The following PCDHA6 variants were observed in gnomAD, a reference collection of about 807,000 sequenced individuals.
The protein encoded by PCDHA6 is protocadherin alpha-6.
In PCDHA6, 55 loss-of-function variants were observed where a neutral mutation model predicts 60.3. The ratio of observed to expected loss-of-function variants is 0.91; its 90% CI spans 0.73 to 1.14. PCDHA6 has a LOEUF of 1.14. PCDHA6 is among the 50% of genes most tolerant of loss of function. The pLI is 0.00. For synonymous variants in PCDHA6, 652 were observed against 557.9 expected, an observed-to-expected ratio of 1.17 and a Z score of -2.38; for missense variants, 1,327 against 1,256.5, an observed-to-expected ratio of 1.06 and a Z score of -0.85.
rs2150182679 is a variant in PCDHA6 at position 140,830,200 on chromosome 5, C to T, written c.2109C>T (p.Ala703=). Residue 703 remains alanine, a synonymous_variant, in exon 1 of 4, where the codon GCC becomes GCT. Transcript: ENST00000529310. ...ATGTCAACGTGTACCTGATCATCGC[C>T]ATCTGCGCGGTATCCAGCCTGCTGG... The part of the protein sequence containing the change: ...LVDVNVYLII[A]ICAVSSLLVL... 2 of 1,613,764 alleles carry T rather than the reference C, an allele frequency of 1.2e-6. No individual in the cohort carries two copies. The highest frequency in any genetic ancestry group is 1.7e-6 in the Non-Finnish European group (2 of 1,179,898).
At chr5:141,008,751 AG>A (rs1234240078) in intron 3 of PCDHA6, among the ~76,000 whole-genome samples, 11 of 152,244 alleles carry the variant, frequency 7.2e-5, no homozygotes, top group African/African-American at 2.2e-4. Context: ...CACTGAGGGA[AG>A]GAATTTGGCT....
At chr5:140,971,244 A>G (rs1389573593) in intron 1 of PCDHA6, among the ~76,000 whole-genome samples, 6 of 152,174 alleles carry the variant, frequency 3.9e-5, no homozygotes, top group Non-Finnish European at 8.8e-5. Context: ...GGGCAATTTG[A>G]TACATAAACT....
Position 140,869,973 on chromosome 5 carries a change from C to T in PCDHA6, c.2394+39488C>T, listed in dbSNP as rs782664221. The stretch of plus-strand genomic sequence containing the variant: ...TGTCAATTAAGCCCAATGGAAGACA[C>T]TTATTTACACTAGATCAAAATAATG... On this transcript the variant is annotated intron_variant, in intron 1 of 3. Coordinates refer to ENST00000529310, the MANE Select transcript of PCDHA6 (RefSeq NM_018909.4). 3.0e-5 allele frequency: 48 copies of T among 1,613,102 alleles called. No individual in the cohort carries two copies. In the East Asian group the frequency reaches 1.0e-3, roughly 34 times the overall value.
intron 1 of PCDHA6, chr5:140,842,737 C>A: frequency 6.3e-7 from 1 of 1,595,052 alleles, no homozygotes; most frequent in Non-Finnish European, 8.6e-7. Flanking sequence ...CGCCGGGCTG[C>A]CACATCTTCA....
rs1333362831 is a variant in PCDHA6 at position 140,976,454 on chromosome 5, GGAA to G, written c.2395-2488_2395-2486del. Among the ~76,000 whole-genome samples, 4 of 152,214 alleles carry G rather than the reference GGAA, an allele frequency of 2.6e-5. No individual in the cohort carries two copies. The East Asian group carries it at 7.7e-4, about 29-fold the overall frequency. On this transcript the variant is annotated intron_variant, in intron 1 of 3. Transcript: ENST00000529310. Reference sequence around the variant, plus strand: ...TAATCCCAGCTACTAGGGAGGCTGGGGAAGAAGAATTGCTTGAATCCGGGAGGC... The same window carrying G: ...TAATCCCAGCTACTAGGGAGGCTGGGGAAGAATTGCTTGAATCCGGGAGGC...
intron 1 of PCDHA6, among the ~76,000 whole-genome samples, chr5:140,906,323 A>G (rs1487570044): frequency 1.3e-5 from 2 of 152,212 alleles, no homozygotes; most frequent in Non-Finnish European, 2.9e-5. Context: ...AACATGATAC[A>G]ACTATCCTTC....
intron 1 of PCDHA6, among the ~76,000 whole-genome samples, chr5:140,951,473 C>G (rs1009151700): frequency 1.3e-5 from 2 of 151,880 alleles, no homozygotes; most frequent in Non-Finnish European, 2.9e-5. Context: ...TTCTGGGGAG[C>G]CTTCAAGAAT....
At chr5:140,967,652 T>A in intron 1 of PCDHA6, 1 of 1,614,152 alleles carries the variant, frequency 6.2e-7, no homozygotes, top group South Asian at 1.1e-5. Flanking sequence ...CAGGTACTCC[T>A]TGAGCAGCTA....
At chr5:140,831,569 C>T (rs2150196333) in intron 1 of PCDHA6, among the ~76,000 whole-genome samples, 8,259 of 146,924 alleles carry the variant, frequency 0.056, 800 homozygotes, top group African/African-American at 0.2. Context: ...CTCCATGTTG[C>T]CCAGGCTGGT....
chr5:140,955,078 G>T lies in PCDHA6; in HGVS notation c.2395-23871G>T, dbSNP rs192023775. On this transcript the variant is annotated intron_variant, in intron 1 of 3. Transcript: ENST00000529310. ...TTGTCAGGTTTGTTGAAGATCAGAT[G>T]GTTGTAGGTGTGTGGTGTTATTTCT... Among the ~76,000 whole-genome samples, 36 of 152,228 alleles carry T rather than the reference G, an allele frequency of 2.4e-4. No homozygotes were observed. In the East Asian group the frequency reaches 6.6e-3, roughly 28 times the overall value.
Position 140,858,344 on chromosome 5 carries a change from G to A in PCDHA6, c.2394+27859G>A, listed in dbSNP as rs371621182. 1.0e-5 allele frequency: 16 copies of A among 1,595,144 alleles called. No homozygotes were observed. In the East Asian group the frequency reaches 3.6e-4, roughly 36 times the overall value. On this transcript the variant is annotated intron_variant, in intron 1 of 3. Coordinates refer to ENST00000529310, the MANE Select transcript of PCDHA6 (RefSeq NM_018909.4). Reference sequence around the variant, plus strand: ...TTCTGGGGAGGGCCTGCCCAAGGCGGACCTCATGGCCTTCAGCCCCAGCCT... The same window carrying A: ...TTCTGGGGAGGGCCTGCCCAAGGCGAACCTCATGGCCTTCAGCCCCAGCCT...
chr5:141,006,376 TAA>T (rs2098270900), intron 3 of PCDHA6, among the ~76,000 whole-genome samples: 1 of 151,996 alleles, frequency 6.6e-6, no homozygotes, highest in South Asian at 2.1e-4. Flanking sequence ...CACGCCCGGC[TAA>T]GTTTTTTCTA....
intron 1 of PCDHA6, chr5:140,928,545 T>C: frequency 6.2e-7 from 1 of 1,614,220 alleles, no homozygotes; most frequent in Non-Finnish European, 8.5e-7. Flanking sequence ...GGAATGACAA[T>C]TATCCGGTTA....
At chr5:140,993,621 A>G (rs531527051) in intron 3 of PCDHA6, among the ~76,000 whole-genome samples, 7 of 152,190 alleles carry the variant, frequency 4.6e-5, no homozygotes, top group African/African-American at 1.7e-4. Flanking sequence ...GGGACCCTCT[A>G]TATATAGTCG....
chr5:140,928,540 G>T lies in PCDHA6; in HGVS notation c.2395-50409G>T, dbSNP rs1554205973. 4 of 1,614,094 alleles carry T rather than the reference G, an allele frequency of 2.5e-6. No homozygotes were observed. In the Admixed American group the frequency reaches 5.0e-5, roughly 20 times the overall value. On this transcript the variant is annotated intron_variant, in intron 1 of 3. Coordinates refer to ENST00000529310, the MANE Select transcript of PCDHA6 (RefSeq NM_018909.4). The stretch of plus-strand genomic sequence containing the variant: ...AAACTTGTTTGTGGTAGATAGGAAT[G>T]ACAATTATCCGGTTATCTTGTTTCC...
intron 1 of PCDHA6, among the ~76,000 whole-genome samples, chr5:140,952,192 G>A (rs572613863): frequency 1.1e-4 from 16 of 152,198 alleles, no homozygotes; most frequent in African/African-American, 3.9e-4. Flanking sequence ...TCATGGGTTG[G>A]TGTTGAATGC....
intron 1 of PCDHA6, among the ~76,000 whole-genome samples, chr5:140,903,696 A>G (rs2153481433): frequency 6.6e-6 from 1 of 152,370 alleles, no homozygotes; most frequent in East Asian, 1.9e-4. Context: ...ATAGTTTAAA[A>G]TAGTAATAAA....
intron 1 of PCDHA6, chr5:140,875,853 C>T (rs2055871558): frequency 6.2e-7 from 1 of 1,614,162 alleles, no homozygotes; most frequent in African/African-American, 1.3e-5. Flanking sequence ...AGGACATTAA[C>T]GACAACCCGC....
intron 1 of PCDHA6, among the ~76,000 whole-genome samples, chr5:140,839,079 C>T (rs1224426346): frequency 1.3e-5 from 2 of 151,864 alleles, no homozygotes; most frequent in African/African-American, 2.4e-5. Context: ...AGTCAAAAAC[C>T]TGTCTGATAA....
Sources: allele counts gnomAD v4.1 joint callset (sites outside exome capture counted in the v4.1 genomes callset), GRCh38; gene constraint gnomAD v4.1.1; transcripts MANE v1.5; gene names NCBI Gene and HGNC (gene_info 2026-07-23, HGNC 2026-07-21).